DIS3L2: variants seen among roughly 807,000 people sequenced by gnomAD.
DIS3L2 encodes the protein DIS3 like 3'-5' exoribonuclease 2.
DIS3L2 carries 34 observed loss-of-function variants against 97.5 expected under a neutral mutation model. The observed-to-expected ratio is 0.35, with a 90% CI of 0.27 to 0.46. DIS3L2 has a LOEUF of 0.46. Among genes scored for constraint, DIS3L2 ranks in the 20% least tolerant of loss-of-function variants. DIS3L2 has a pLI of 1.00. For missense variants in DIS3L2, 1,038 were observed against 1,146.0 expected (o/e 0.91, Z 1.36); for synonymous variants, 435 against 445.2 (o/e 0.98, Z 0.29).
rs752118757 is a variant in DIS3L2 at position 232,238,586 on chromosome 2, G to A, written c.1258G>A (p.Gly420Arg). The A allele has an allele frequency of 1.2e-6, 2 of 1,614,206 alleles. No individual in the cohort carries two copies. Among genetic ancestry groups the A allele is most frequent in the South Asian group, 1.1e-5 (1 of 91,082 alleles). Residue 420 changes from glycine to arginine, a missense_variant, in exon 11 of 21, where the codon GGA becomes AGA. Gly to Arg is a moderately radical substitution (Grantham distance 125). Transcript: ENST00000325385. The part of the protein sequence containing the change: ...IADVSYFVPE[G>R]SDLDKVAAER... ...TGACGTGAGTTACTTTGTTCCGGAGGGATCTGATCTGGATAAAGTGGCTGC... is the reference window on the plus strand; with the variant it reads ...TGACGTGAGTTACTTTGTTCCGGAGAGATCTGATCTGGATAAAGTGGCTGC...
At chr2:231,985,101 G>C (rs1373679375) in intron 1 of DIS3L2, among the ~76,000 whole-genome samples, 1 of 152,146 alleles carries the variant, frequency 6.6e-6, no homozygotes. Flanking sequence ...TCCGTATTCA[G>C]ATTTTACCAG....
At chr2:232,329,788 C>G in intron 14 of DIS3L2, 25 bp from the exon 15 acceptor site, 2 of 1,080,624 alleles carry the variant, frequency 1.9e-6, no homozygotes, top group Non-Finnish European at 2.5e-6. Flanking sequence ...CCAGCGGTCC[C>G]TCCCATCCCA....
At chr2:232,086,336 TATATAC>T (rs1371838453) in intron 5 of DIS3L2, among the ~76,000 whole-genome samples, 24 of 142,106 alleles carry the variant, frequency 1.7e-4, no homozygotes, top group African/African-American at 2.6e-4. Context: ...TGCATATGTA[TATATAC>T]ATATATGTAT....
rs570981537 is a variant in DIS3L2 at position 232,136,649 on chromosome 2, A to G, written c.880A>G (p.Lys294Glu). 1.1e-5 allele frequency: 17 copies of G among 1,613,790 alleles called. No homozygotes were observed. The East Asian group carries it at 3.1e-4, about 30-fold the overall frequency. Residue 294 changes from lysine to glutamate, a missense_variant, in exon 8 of 21, where the codon AAA becomes GAA. Lys to Glu is a moderately conservative substitution (Grantham distance 56). Transcript: ENST00000325385. ...TCCCCAGGACTTTGTGGCACGGCCT[A>G]AAGATTATGCCAACACACTGTTCAT... ...DCPQDFVARP[K>E]DYANTLFICR...
chr2:232,321,041 G>T (rs1046635702), intron 14 of DIS3L2, among the ~76,000 whole-genome samples: 2 of 152,180 alleles, frequency 1.3e-5, no homozygotes, highest in Non-Finnish European at 2.9e-5. Flanking sequence ...AGCAGAGGGG[G>T]CAGAGTGGAA....
intron 1 of DIS3L2, among the ~76,000 whole-genome samples, chr2:231,989,664 T>C (rs1346315925): frequency 2.0e-5 from 3 of 151,998 alleles, no homozygotes; most frequent in Non-Finnish European, 4.4e-5. Flanking sequence ...TGAGACCTTG[T>C]CTCTACAAAA....
In DIS3L2 at chr2:232,136,627, C is replaced by G. The variant is rs765766984; in HGVS notation, c.858C>G (p.Pro286=). 2.5e-6 allele frequency: 4 copies of G among 1,613,782 alleles called. No individual in the cohort carries two copies. In the African/African-American group the frequency reaches 4.0e-5, roughly 16 times the overall value. Residue 286 remains proline, a synonymous_variant, in exon 8 of 21, where the codon CCC becomes CCG. Transcript: ENST00000325385. ...PRIYVPLKDC[P]QDFVARPKDY... ...TTTATGTGCCTCTCAAGGACTGTCC[C>G]CAGGACTTTGTGGCACGGCCTAAAG...
At chr2:232,081,652 T>G (rs1696402032) in intron 5 of DIS3L2, among the ~76,000 whole-genome samples, 1 of 152,244 alleles carries the variant, frequency 6.6e-6, no homozygotes, top group Non-Finnish European at 1.5e-5. Context: ...TGATACTTCC[T>G]GTGTCCTTTA....
intron 8 of DIS3L2, among the ~76,000 whole-genome samples, chr2:232,157,838 T>C (rs575954384): frequency 2.6e-5 from 4 of 152,324 alleles, no homozygotes; most frequent in Non-Finnish European, 5.9e-5. Flanking sequence ...CCTTGTGCTT[T>C]GTTCCTATGT....
At chr2:232,169,001 T>C (rs2106169309) in intron 9 of DIS3L2, among the ~76,000 whole-genome samples, 1 of 152,328 alleles carries the variant, frequency 6.6e-6, no homozygotes, top group Admixed American at 6.5e-5. Flanking sequence ...TCACTGCCCT[T>C]GTGGAACTCT....
At chr2:232,331,770 C>T (rs930202726) in intron 16 of DIS3L2, 1 of 152,230 alleles carries the variant, frequency 6.6e-6, no homozygotes, top group African/African-American at 2.4e-5. Context: ...GCCTCTGACG[C>T]CATCACCTCC....
intron 8 of DIS3L2, among the ~76,000 whole-genome samples, chr2:232,154,098 A>G (rs1231687277): frequency 1.0e-5 from 1 of 97,000 alleles, no homozygotes; most frequent in Non-Finnish European, 2.1e-5. Flanking sequence ...CTAGTTATAC[A>G]TTCTTCTAAA....
At chr2:232,009,083 A>G (rs1237343739) in intron 1 of DIS3L2, among the ~76,000 whole-genome samples, 1 of 151,664 alleles carries the variant, frequency 6.6e-6, no homozygotes, top group East Asian at 1.9e-4. Context: ...CTCTTTGTTA[A>G]TATTCTGTTT....
At chr2:231,965,607 C>T (rs114685800) in intron 1 of DIS3L2, among the ~76,000 whole-genome samples, 2,097 of 152,208 alleles carry the variant, frequency 0.014, 25 homozygotes, top group Middle Eastern at 0.024. Flanking sequence ...ACTTAATCAT[C>T]AAATATAATA....
At chr2:232,257,509 A>G (rs897987812) in intron 12 of DIS3L2, among the ~76,000 whole-genome samples, 3 of 151,372 alleles carry the variant, frequency 2.0e-5, no homozygotes, top group African/African-American at 7.3e-5. Flanking sequence ...CCTCCCTCCC[A>G]CCCTCCGTCA....
intron 9 of DIS3L2, among the ~76,000 whole-genome samples, chr2:232,167,503 C>G (rs1258137145): frequency 6.6e-6 from 1 of 151,974 alleles, no homozygotes; most frequent in African/African-American, 2.4e-5. Context: ...TGTTTTGGTA[C>G]TTGGTTTTGA....
At chr2:232,059,715 T>C (rs1342244457) in intron 5 of DIS3L2, among the ~76,000 whole-genome samples, 6 of 152,180 alleles carry the variant, frequency 3.9e-5, no homozygotes, top group Non-Finnish European at 8.8e-5. Flanking sequence ...CCCCCACTTA[T>C]AAGTGAGAAC....
At chr2:232,079,599 C>CAA (rs760870721) in intron 5 of DIS3L2, among the ~76,000 whole-genome samples, 2,522 of 29,530 alleles carry the variant, frequency 0.085, 279 homozygotes, top group African/African-American at 0.19. Flanking sequence ...GACTCTATCT[C>CAA]AAAAAAAAAA....
In DIS3L2 at chr2:232,281,486, C is replaced by A. The variant is rs1694283817; in HGVS notation, c.1659+18046C>A. 6.6e-6 allele frequency among the ~76,000 whole-genome samples: 1 copy of A among 152,152 alleles called. No individual in the cohort carries two copies. The highest frequency in any genetic ancestry group is 2.1e-4 in the South Asian group (1 of 4,828). The stretch of plus-strand genomic sequence containing the variant: ...ACATATAGGAGTTGTGGGATGGGAC[C>A]TCTTTTTTAGAAAGATCTCTTTGGC... On this transcript the variant is annotated intron_variant, in intron 13 of 20. Transcript: ENST00000325385. The surrounding 1 kb of genome is among the most constrained non-coding windows in gnomAD (Gnocchi z 4.1).
Sources: allele counts gnomAD v4.1 joint callset (sites outside exome capture counted in the v4.1 genomes callset), GRCh38; gene constraint gnomAD v4.1.1; non-coding constraint Gnocchi (gnomAD v3.1); transcripts MANE v1.5; gene names NCBI Gene and HGNC (gene_info 2026-07-23, HGNC 2026-07-21).